Variants in NELL1 observed in about 807,000 individuals in gnomAD.
NELL1 encodes the protein protein kinase C-binding protein NELL1.
Under a neutral mutation model 107.4 loss-of-function variants are expected in NELL1, and 76 were observed. The observed-to-expected ratio is 0.71, with a 90% CI of 0.59 to 0.86. The LOEUF (loss-of-function observed/expected upper bound fraction) is 0.86, where lower values mean the gene tolerates loss of function less well. Among genes scored for constraint, NELL1 ranks in the 40% least tolerant of loss-of-function variants. The probability of loss-of-function intolerance (pLI) is 0.00; values close to 1 mark genes in which losing one functional copy is unlikely to be tolerated. For synonymous variants in NELL1, 353 were observed against 341.2 expected (o/e 1.03, Z -0.38); for missense variants, 1,024 against 1,005.5 (o/e 1.02, Z -0.25).
chr11:20,983,102 C>A (rs557436598), intron 12 of NELL1, among the ~76,000 whole-genome samples: 1 of 152,288 alleles, frequency 6.6e-6, no homozygotes, highest in African/African-American at 2.4e-5. Context: ...GTGACTGTGG[C>A]AAGTTATTGA....
At chr11:20,890,620 G>A (rs1849598491) in intron 5 of NELL1, among the ~76,000 whole-genome samples, 1 of 152,042 alleles carries the variant, frequency 6.6e-6, no homozygotes, top group South Asian at 2.1e-4. Context: ...TTGATAAGAG[G>A]TTAAAGGAAT....
intron 2 of NELL1, among the ~76,000 whole-genome samples, chr11:20,743,487 T>C (rs966376172): frequency 1.3e-5 from 2 of 152,216 alleles, no homozygotes; most frequent in Non-Finnish European, 2.9e-5. Flanking sequence ...GATTACTGTT[T>C]ACTTTTCCTG....
chr11:20,726,415 A>C (rs1053583649), intron 2 of NELL1, among the ~76,000 whole-genome samples: 5 of 152,054 alleles, frequency 3.3e-5, no homozygotes, highest in African/African-American at 1.2e-4. Context: ...AAGAAATACA[A>C]TATACCAGCA....
chr11:21,218,329 T>A (rs1297040643), intron 13 of NELL1, among the ~76,000 whole-genome samples: 1 of 152,116 alleles, frequency 6.6e-6, no homozygotes, highest in Non-Finnish European at 1.5e-5. Context: ...GAGAAAGATT[T>A]CTCGATCAAT....
At chr11:21,367,545 A>T (rs1229600573) in intron 14 of NELL1, among the ~76,000 whole-genome samples, 2 of 152,122 alleles carry the variant, frequency 1.3e-5, no homozygotes, top group Non-Finnish European at 2.9e-5. Flanking sequence ...CATCTTTAGA[A>T]TCTAGAACAT....
intron 3 of NELL1, among the ~76,000 whole-genome samples, chr11:20,842,064 G>A (rs1480765484): frequency 3.3e-5 from 5 of 152,240 alleles, no homozygotes; most frequent in African/African-American, 1.2e-4. Flanking sequence ...AGTGGACTTA[G>A]GACCAGGAAA....
intron 14 of NELL1, among the ~76,000 whole-genome samples, chr11:21,244,903 T>C (rs1858451668): frequency 6.6e-6 from 1 of 152,158 alleles, no homozygotes; most frequent in African/African-American, 2.4e-5. Flanking sequence ...TGCCTCACTT[T>C]TACAACTGGG....
chr11:20,994,919 G>A (rs78604322), intron 12 of NELL1, among the ~76,000 whole-genome samples: 5,707 of 152,078 alleles, frequency 0.038, 325 homozygotes, highest in African/African-American at 0.12. Flanking sequence ...AGACAATCAG[G>A]TCTTGTTTTA....
At chr11:21,341,556 A>T (rs922638740) in intron 14 of NELL1, among the ~76,000 whole-genome samples, 5 of 152,170 alleles carry the variant, frequency 3.3e-5, no homozygotes, top group African/African-American at 1.2e-4. Flanking sequence ...AATTATATTA[A>T]TCGGGAGTGA....
chr11:20,894,667 G>A (rs1180880715), intron 5 of NELL1, among the ~76,000 whole-genome samples: 1 of 152,166 alleles, frequency 6.6e-6, no homozygotes, highest in African/African-American at 2.4e-5. Context: ...TTCACTGCTG[G>A]TGGGAATGAA....
intron 14 of NELL1, among the ~76,000 whole-genome samples, chr11:21,322,995 G>A (rs533555600): frequency 9.6e-4 from 146 of 152,048 alleles, no homozygotes; most frequent in Non-Finnish European, 1.6e-3. Context: ...AAAGTGATCG[G>A]CCAATTCAGC....
At chr11:20,671,021 A>G (rs907736577) in intron 1 of NELL1, 1 of 152,300 alleles carries the variant, frequency 6.6e-6, no homozygotes. Flanking sequence ...AGGAGCTTTC[A>G]GAGGGCCCTT....
chr11:21,240,878 C>T (rs976050661), intron 14 of NELL1, among the ~76,000 whole-genome samples: 1 of 151,900 alleles, frequency 6.6e-6, no homozygotes, highest in Non-Finnish European at 1.5e-5. Context: ...AACTACATCC[C>T]TAGAGGCTTA....
chr11:20,921,010 TG>T (rs1850365555), intron 7 of NELL1, among the ~76,000 whole-genome samples: 1 of 152,146 alleles, frequency 6.6e-6, no homozygotes, highest in Admixed American at 6.6e-5. Context: ...CTGTGTAATT[TG>T]AAATCTATGA....
At chr11:20,746,614 T>A (rs1156745820) in intron 2 of NELL1, among the ~76,000 whole-genome samples, 1 of 149,400 alleles carries the variant, frequency 6.7e-6, no homozygotes, top group Non-Finnish European at 1.5e-5. Flanking sequence ...ACACGTGGAA[T>A]TGAACATTGC....
At chr11:21,003,015 G>A (rs560116804) in intron 12 of NELL1, among the ~76,000 whole-genome samples, 10 of 152,060 alleles carry the variant, frequency 6.6e-5, no homozygotes, top group East Asian at 1.9e-4. Context: ...ATCCATTAGT[G>A]GAATTGATTT....
intron 14 of NELL1, among the ~76,000 whole-genome samples, chr11:21,334,556 C>T (rs1014500819): frequency 6.6e-6 from 1 of 151,898 alleles, no homozygotes; most frequent in Admixed American, 6.6e-5. Flanking sequence ...GTCTCTGTCT[C>T]TCTGTTTTCC....
At chr11:20,931,010 G>A (rs944816499) in intron 9 of NELL1, among the ~76,000 whole-genome samples, 1 of 152,078 alleles carries the variant, frequency 6.6e-6, no homozygotes, top group Non-Finnish European at 1.5e-5. Flanking sequence ...AGAACTTCTG[G>A]GCTGGAGGGC....
At chr11:21,231,059 T>C (rs1182649041) in intron 14 of NELL1, among the ~76,000 whole-genome samples, 1 of 152,200 alleles carries the variant, frequency 6.6e-6, no homozygotes, top group Non-Finnish European at 1.5e-5. Flanking sequence ...AGCAGAATGC[T>C]ATGGTTTAAA....
Sources: allele counts gnomAD v4.1 joint callset (sites outside exome capture counted in the v4.1 genomes callset), GRCh38; gene constraint gnomAD v4.1.1; transcripts MANE v1.5; gene names NCBI Gene and HGNC (gene_info 2026-07-23, HGNC 2026-07-21).